Variants in REPS2 observed in about 807,000 individuals in gnomAD.
REPS2 encodes RALBP1 associated Eps domain containing 2, also known as ralBP1-associated Eps domain-containing protein 2.
In REPS2, 23 loss-of-function variants were observed where a neutral mutation model predicts 53.6. The observed-to-expected ratio is 0.43, with a 90% CI of 0.31 to 0.61. The LOEUF is 0.61. Ranked by LOEUF, REPS2 falls within the 20% of genes least tolerant of loss-of-function variation. REPS2 has a pLI of 0.11. For missense variants in REPS2, 446 were observed against 534.9 expected (o/e 0.83, Z 1.64); for synonymous variants, 238 against 218.6 (o/e 1.09, Z -0.78).
chrX:17,024,566 A>G (rs1208010162), intron 3 of REPS2, among the ~76,000 whole-genome samples: 1 of 109,470 alleles, frequency 9.1e-6, no homozygotes, highest in African/African-American at 3.3e-5. Flanking sequence ...ATTGTTAAAA[A>G]AAAAAAGCTA....
At chrX:17,084,551 C>T (rs1159969284) in intron 13 of REPS2, among the ~76,000 whole-genome samples, 1 of 112,145 alleles carries the variant, frequency 8.9e-6, no homozygotes, top group African/African-American at 3.2e-5. Flanking sequence ...TGTTTCTTCA[C>T]GTCCTCAAAA....
At chrX:17,032,646 G>C (rs1192801322) in intron 5 of REPS2, among the ~76,000 whole-genome samples, 1 of 111,663 alleles carries the variant, frequency 9.0e-6, no homozygotes, top group East Asian at 2.8e-4. Flanking sequence ...TTGATGTGCC[G>C]ATGGCAACCT....
At chrX:17,091,101 G>C (rs992345169) in intron 13 of REPS2, among the ~76,000 whole-genome samples, 1 of 111,995 alleles carries the variant, frequency 8.9e-6, no homozygotes, top group Non-Finnish European at 1.9e-5. Context: ...TTTTATGCTA[G>C]CACTATACTG....
chrX:17,182,188 ATC>A, the REPS2 span, among the ~76,000 whole-genome samples: 174 of 100,938 alleles, frequency 1.7e-3, no homozygotes, highest in Non-Finnish European at 2.5e-3. Context: ...CTATCTATCT[ATC>A]ATCTATCTAT....
At chrX:17,039,893 A>C (rs935452724) in intron 5 of REPS2, among the ~76,000 whole-genome samples, 1 of 112,744 alleles carries the variant, frequency 8.9e-6, no homozygotes, top group Non-Finnish European at 1.9e-5. Flanking sequence ...TAGCAAAGCA[A>C]TGAATGCTTG....
At chrX:17,091,177 C>G (rs1485482735) in intron 13 of REPS2, among the ~76,000 whole-genome samples, 1 of 112,115 alleles carries the variant, frequency 8.9e-6, no homozygotes, top group African/African-American at 3.2e-5. Context: ...ACTCAGAAGT[C>G]TTTAAGTATT....
At chrX:17,158,320 A>T in the REPS2 span, among the ~76,000 whole-genome samples, 1 of 111,286 alleles carries the variant, frequency 9.0e-6, no homozygotes, top group African/African-American at 3.3e-5. Context: ...TGATCCCTTG[A>T]CTTGTATATT....
chrX:17,174,873 C>T, the REPS2 span, among the ~76,000 whole-genome samples: 1 of 112,772 alleles, frequency 8.9e-6, no homozygotes, highest in Non-Finnish European at 1.9e-5. Context: ...CAGCTCCCTG[C>T]TGCCTGTCAG....
chrX:16,969,712 G>A (rs1377825456), intron 1 of REPS2, among the ~76,000 whole-genome samples: 2 of 104,302 alleles, frequency 1.9e-5, no homozygotes, highest in South Asian at 4.6e-4. Flanking sequence ...GAGGGAGACC[G>A]TGGAAAGAGA....
chrX:17,006,405 A>G, intron 2 of REPS2, 61 bp downstream of exon 2: 1 of 1,064,201 alleles, frequency 9.4e-7, no homozygotes, highest in Non-Finnish European at 1.3e-6. Context: ...TATGAGAACC[A>G]TTTTTAATGA....
the REPS2 span, among the ~76,000 whole-genome samples, chrX:17,167,555 A>G: frequency 1.9e-5 from 2 of 107,916 alleles, no homozygotes; most frequent in Non-Finnish European, 3.8e-5. Flanking sequence ...TATGGTATGT[A>G]TGTGTGGTTT....
At chrX:17,121,339 G>T (rs749368854) in intron 14 of REPS2, among the ~76,000 whole-genome samples, 19 of 112,323 alleles carry the variant, frequency 1.7e-4, no homozygotes, top group African/African-American at 5.8e-4. Context: ...GTGGGGGAAA[G>T]CCCCAATTTG....
rs1569177885 is a variant in REPS2 at position 17,102,034 on chromosome X, TTATGTTATGTTATGTTATGTTATGTTATG to T, written c.1517-1682_1517-1654del. Among the ~76,000 whole-genome samples the T allele has an allele frequency of 5.8e-3, 294 of 50,619 alleles. 1 individual carries two copies. Among genetic ancestry groups the T allele is most frequent in the African/African-American group, 0.016 (286 of 18,122 alleles). 44.0% of individuals were successfully genotyped at this position (50,619 alleles called of 115,157 possible). On this transcript the variant is annotated intron_variant, in intron 13 of 17. Coordinates refer to ENST00000357277, the MANE Select transcript of REPS2 (RefSeq NM_004726.3). ...TAGATTTATTTTATTTTATTTTATG[TTATGTTATGTTATGTTATGTTATGTTATG>T]TTATGTTATGTTATGTTATTTTATT... is the stretch of plus-strand genomic sequence containing the variant.
In REPS2 at chrX:17,088,745, G is replaced by A. The variant is rs922774839; in HGVS notation, c.1516+11338G>A. Among the ~76,000 whole-genome samples, 8 of 109,504 alleles carry A rather than the reference G, an allele frequency of 7.3e-5. No homozygotes were observed. The South Asian group carries it at 2.8e-3, about 38-fold the overall frequency. On this transcript the variant is annotated intron_variant, in intron 13 of 17. Coordinates refer to ENST00000357277, the MANE Select transcript of REPS2 (RefSeq NM_004726.3). ...ACTACAGGTGCCCACCACCACGCCT[G>A]GCTAATTTTTTGTATTTTTAGTAGA... is the stretch of plus-strand genomic sequence containing the variant.
chrX:17,118,832 G>A (rs1461869619), intron 14 of REPS2, among the ~76,000 whole-genome samples: 1 of 111,850 alleles, frequency 8.9e-6, no homozygotes, highest in Non-Finnish European at 1.9e-5. Flanking sequence ...CTTCACATTT[G>A]GTCTGTGGGA....
Position 17,135,347 on chromosome X carries a change from C to T in REPS2, c.1749C>T (p.Ser583=). Residue 583 remains serine (S), a synonymous_variant, in exon 16 of 18, where the codon TCC becomes TCT. Transcript: ENST00000357277. ...AAGCTACAGAAAACCAAGAGCCTTC[C>T]ACTGCTGCAAGTGGGCCAGCTTCTG... is the stretch of plus-strand genomic sequence containing the variant. ...ENQATENQEP[S]TAASGPASAA... 1 of 1,211,955 alleles carries T rather than the reference C, an allele frequency of 8.3e-7. No individual in the cohort carries two copies. The highest frequency in any genetic ancestry group is 1.1e-6 in the Non-Finnish European group (1 of 895,489).
At position 16,946,750 on chromosome X, in the gene REPS2, T is replaced by TGGTGGCGGCGGC. The variant is rs2060432490; in HGVS notation, c.-109_-98dup. 1 of 698,163 alleles carries TGGTGGCGGCGGC rather than the reference T, an allele frequency of 1.4e-6. No individual in the cohort carries two copies. Among genetic ancestry groups the TGGTGGCGGCGGC allele is most frequent in the Admixed American group, 9.8e-5 (1 of 10,192 alleles). The allele number at this position is 698,163 out of a possible 1,213,427, so 57.5% of individuals were successfully genotyped here. On this transcript the variant is annotated 5_prime_UTR_variant, in exon 1 of 18. Coordinates refer to ENST00000357277, the MANE Select transcript of REPS2 (RefSeq NM_004726.3). ...GTGGGGGTGGTGGTGGCGGCGGCGG[T>TGGTGGCGGCGGC]GGTGGCGGCGGCGGCGGCGGCGGCA... is the stretch of plus-strand genomic sequence containing the variant.
intron 1 of REPS2, among the ~76,000 whole-genome samples, chrX:16,995,715 C>T (rs1324330620): frequency 1.8e-5 from 2 of 111,678 alleles, no homozygotes; most frequent in Non-Finnish European, 3.8e-5. Flanking sequence ...AATAAATGCA[C>T]CTCTTGCCTC....
At chrX:17,102,225 G>A (rs2062818064) in intron 13 of REPS2, among the ~76,000 whole-genome samples, 1 of 110,682 alleles carries the variant, frequency 9.0e-6, no homozygotes, top group African/African-American at 3.3e-5. Context: ...GGGACTACAG[G>A]TGTGCACTAC....
Sources: allele counts gnomAD v4.1 joint callset (sites outside exome capture counted in the v4.1 genomes callset), GRCh38; gene constraint gnomAD v4.1.1; transcripts MANE v1.5; gene names NCBI Gene and HGNC (gene_info 2026-07-23, HGNC 2026-07-21).